Variants in VCL observed in about 807,000 individuals in gnomAD.
VCL encodes vinculin.
A neutral mutation model predicts 125.7 loss-of-function variants in VCL; 47 were observed. The ratio of observed to expected loss-of-function variants is 0.37; its 90% CI spans 0.30 to 0.48. VCL has a LOEUF of 0.48. VCL is among the 20% of genes least tolerant of loss of function. VCL has a pLI of 0.99. For missense variants in VCL, 1,069 were observed against 1,455.5 expected (o/e 0.73, Z 4.32); for synonymous variants, 458 against 514.6 (o/e 0.89, Z 1.49).
chr10:74,115,544 T>C (rs1840299140), intron 21 of VCL, among the ~76,000 whole-genome samples: 1 of 152,192 alleles, frequency 6.6e-6, no homozygotes, highest in Admixed American at 6.5e-5. Context: ...AGGACTCTAC[T>C]CAGTTCCTTA....
intron 11 of VCL, among the ~76,000 whole-genome samples, chr10:74,095,065 G>C (rs572847728): frequency 6.6e-6 from 1 of 152,268 alleles, no homozygotes; most frequent in African/African-American, 2.4e-5. Context: ...TTTGGTATTA[G>C]ATGTCAAGAG....
chr10:74,042,609 A>C (rs1368558546), intron 1 of VCL, among the ~76,000 whole-genome samples: 2 of 152,192 alleles, frequency 1.3e-5, no homozygotes, highest in Non-Finnish European at 2.9e-5. Context: ...ATTACTAGTG[A>C]AGTTGCATAT....
chr10:74,072,108 G>A (rs903893393), intron 4 of VCL, among the ~76,000 whole-genome samples: 50 of 152,208 alleles, frequency 3.3e-4, no homozygotes, highest in African/African-American at 1.1e-3. Flanking sequence ...ATCACATAGC[G>A]CCTTTGAATA....
intron 10 of VCL, among the ~76,000 whole-genome samples, chr10:74,091,974 T>C (rs2131911514): frequency 1.3e-5 from 2 of 152,164 alleles, no homozygotes; most frequent in Middle Eastern, 3.4e-3. Context: ...AGTGGCGTGA[T>C]CTTGGCTCAC....
intron 2 of VCL, among the ~76,000 whole-genome samples, chr10:74,053,827 T>A (rs1411051605): frequency 1.3e-5 from 2 of 152,148 alleles, no homozygotes; most frequent in Non-Finnish European, 2.9e-5. Flanking sequence ...GTAAGACTGG[T>A]CTCGAACTCC....
intron 2 of VCL, among the ~76,000 whole-genome samples, chr10:74,054,750 G>T (rs1343856514): frequency 6.6e-6 from 1 of 152,022 alleles, no homozygotes; most frequent in African/African-American, 2.4e-5. Flanking sequence ...GTGAAATCCC[G>T]TCTCTACCAA....
chr10:74,009,359 C>A (rs939055916), intron 1 of VCL, among the ~76,000 whole-genome samples: 1 of 151,862 alleles, frequency 6.6e-6, no homozygotes, highest in South Asian at 2.1e-4. Flanking sequence ...CCCGGGTTCA[C>A]GCCATTCTCC....
chr10:74,031,823 G>C (rs1840878090), intron 1 of VCL, among the ~76,000 whole-genome samples: 1 of 152,112 alleles, frequency 6.6e-6, no homozygotes, highest in Non-Finnish European at 1.5e-5. Context: ...CCAGCACTTT[G>C]GGAGGCCGAG....
At chr10:74,098,015 G>A (rs1420901338) in intron 13 of VCL, among the ~76,000 whole-genome samples, 1 of 152,122 alleles carries the variant, frequency 6.6e-6, no homozygotes, top group East Asian at 1.9e-4. Context: ...GACATGTTTC[G>A]CTCCTGTGAG....
At chr10:74,030,623 G>A (rs1331311091) in intron 1 of VCL, among the ~76,000 whole-genome samples, 1 of 152,190 alleles carries the variant, frequency 6.6e-6, no homozygotes, top group Non-Finnish European at 1.5e-5. Flanking sequence ...AATGAATTGG[G>A]ATTAAGATTA....
intron 6 of VCL, among the ~76,000 whole-genome samples, chr10:74,081,718 T>C (rs1839676838): frequency 6.6e-6 from 1 of 152,232 alleles, no homozygotes; most frequent in Non-Finnish European, 1.5e-5. Flanking sequence ...GGAGATTTTA[T>C]GCTAGTTTCC....
rs1175283780 is a variant in VCL at position 74,116,727 on chromosome 10, C to CA, written c.3259-1294dup. On this transcript the variant is annotated intron_variant, in intron 21 of 21. Transcript: ENST00000211998. ...TAATAAAATAAAATAAAATAAACAA[C>CA]AACAAAAAACAAAACCCATAGGACT... Among the ~76,000 whole-genome samples, 56 of 151,302 alleles carry CA rather than the reference C, an allele frequency of 3.7e-4. 1 individual carries two copies. Among genetic ancestry groups the CA allele is most frequent in the African/African-American group, 1.3e-3 (55 of 41,272 alleles).
chr10:74,028,662 G>T (rs1840818365), intron 1 of VCL, among the ~76,000 whole-genome samples: 1 of 152,126 alleles, frequency 6.6e-6, no homozygotes, highest in Non-Finnish European at 1.5e-5. Flanking sequence ...CTCCCAAAGT[G>T]CTGGGATTAC....
chr10:74,121,337 C>T (rs139939962), downstream of VCL: 81 of 152,348 alleles, frequency 5.3e-4, no homozygotes, highest in African/African-American at 1.9e-3. Context: ...CAGGAACTCC[C>T]TTTGAATAAA....
intron 6 of VCL, 35 bp downstream of exon 6, chr10:74,074,938 C>T (rs371972766): frequency 1.2e-6 from 2 of 1,613,856 alleles, no homozygotes; most frequent in Admixed American, 1.7e-5. Context: ...AGCAAAATCC[C>T]CAACTCTCCC....
At chr10:74,033,865 C>T (rs7099171) in intron 1 of VCL, among the ~76,000 whole-genome samples, 23,274 of 152,096 alleles carry the variant, frequency 0.15, 1,871 homozygotes, top group East Asian at 0.22. Flanking sequence ...GGCTGGGAGC[C>T]ATCCTAGATT....
At chr10:74,055,060 G>A (rs1841369145) in intron 2 of VCL, among the ~76,000 whole-genome samples, 1 of 152,138 alleles carries the variant, frequency 6.6e-6, no homozygotes, top group Non-Finnish European at 1.5e-5. Context: ...AGCCTTTTGG[G>A]AGGCTAAGGT....
At chr10:74,029,471 G>A (rs2136239176) in intron 1 of VCL, among the ~76,000 whole-genome samples, 1 of 152,202 alleles carries the variant, frequency 6.6e-6, no homozygotes, top group East Asian at 1.9e-4. Flanking sequence ...GCTTAGTCAT[G>A]GTATCTTCAT....
At chr10:74,045,260 G>C (rs374019501) in intron 2 of VCL, among the ~76,000 whole-genome samples, 1 of 139,364 alleles carries the variant, frequency 7.2e-6, no homozygotes, top group Non-Finnish European at 1.6e-5. Context: ...GAGAGACAGA[G>C]AGACGGATAG....
Sources: gnomAD v4.1 joint callset for allele counts (sites outside exome capture counted in the v4.1 genomes callset) on GRCh38, gnomAD v4.1.1 for gene constraint, MANE v1.5 for transcripts, NCBI Gene and HGNC (gene_info 2026-07-23, HGNC 2026-07-21) for gene names.